COLEC11: variants seen among roughly 807,000 people sequenced by gnomAD.
COLEC11 encodes the protein collectin subfamily member 11, also known as collectin-11.
Under a neutral mutation model 27.3 loss-of-function variants are expected in COLEC11, and 20 were observed. That is an observed-to-expected ratio of 0.73 (90% confidence interval 0.51 to 1.06). The LOEUF (loss-of-function observed/expected upper bound fraction) is 1.06. COLEC11 is among the 50% of genes least tolerant of loss of function. The pLI is 0.00. For missense variants in COLEC11, 310 were observed against 383.0 expected (o/e 0.81, Z 1.59); for synonymous variants, 163 against 154.7 (o/e 1.05, Z -0.40).
intron 3 of COLEC11, among the ~76,000 whole-genome samples, chr2:3,617,098 T>C (rs116162494): frequency 0.024 from 3,613 of 152,260 alleles, 148 homozygotes; most frequent in African/African-American, 0.08. Flanking sequence ...AGTGACATTG[T>C]TGGATCATGT....
chr2:3,610,890 C>T (rs530353435), intron 2 of COLEC11, among the ~76,000 whole-genome samples: 1 of 152,184 alleles, frequency 6.6e-6, no homozygotes, highest in African/African-American at 2.4e-5. Context: ...CCATCTGATT[C>T]TCATTCACAG....
chr2:3,617,414 T>C, intron 3 of COLEC11: 2 of 979,404 alleles, frequency 2.0e-6, no homozygotes, highest in South Asian at 2.7e-5. Context: ...AGTTCTTTGA[T>C]GTGAAAGGGG....
chr2:3,627,031 T>C (rs1284299155), intron 3 of COLEC11, among the ~76,000 whole-genome samples: 1 of 152,258 alleles, frequency 6.6e-6, no homozygotes, highest in South Asian at 2.1e-4. Flanking sequence ...AGCTGGGTGC[T>C]AGTGGATAGC....
intron 3 of COLEC11, among the ~76,000 whole-genome samples, chr2:3,626,529 T>A (rs1372389471): frequency 6.6e-6 from 1 of 152,212 alleles, no homozygotes; most frequent in South Asian, 2.1e-4. Context: ...CCTGGTGGCC[T>A]GGTGGTTGCT....
intron 5 of COLEC11, chr2:3,641,479 G>A (rs751807479): frequency 1.5e-4 from 179 of 1,218,806 alleles, no homozygotes; most frequent in South Asian, 4.3e-4. Context: ...TCCCGGGGCT[G>A]AGCTGCTATC....
chr2:3,635,191 G>A (rs1285982921), intron 3 of COLEC11, among the ~76,000 whole-genome samples: 2 of 142,758 alleles, frequency 1.4e-5, no homozygotes, highest in African/African-American at 2.6e-5. Context: ...GTCTCCCTGC[G>A]CCTACCTTGG....
At chr2:3,642,909 C>G (rs558517816) in intron 5 of COLEC11, among the ~76,000 whole-genome samples, 1 of 152,214 alleles carries the variant, frequency 6.6e-6, no homozygotes, top group Non-Finnish European at 1.5e-5. Context: ...CAGCTCTGCC[C>G]TGGCCCCCAC....
At chr2:3,636,433 T>C (rs1481865321) in intron 3 of COLEC11, among the ~76,000 whole-genome samples, 3 of 151,970 alleles carry the variant, frequency 2.0e-5, no homozygotes, top group Non-Finnish European at 4.4e-5. Flanking sequence ...CCAGCCTGGG[T>C]GACAGAGTAA....
At chr2:3,625,954 A>G in intron 3 of COLEC11, 2 of 1,471,620 alleles carry the variant, frequency 1.4e-6, no homozygotes, top group East Asian at 2.3e-5. Flanking sequence ...GTTATTTAAC[A>G]TCTCTATTAT....
intron 3 of COLEC11, among the ~76,000 whole-genome samples, chr2:3,630,840 C>G (rs909574043): frequency 6.6e-6 from 1 of 152,224 alleles, no homozygotes; most frequent in East Asian, 1.9e-4. Context: ...GACCTTCACT[C>G]TCGGCCAGTC....
At chr2:3,641,653 GA>G (rs1310671559) in intron 5 of COLEC11, among the ~76,000 whole-genome samples, 4 of 152,134 alleles carry the variant, frequency 2.6e-5, no homozygotes, top group Non-Finnish European at 4.4e-5. Context: ...CTTCCATTAA[GA>G]AAACCCCCAA....
At chr2:3,638,436 C>G (rs1358288378) in intron 4 of COLEC11, among the ~76,000 whole-genome samples, 1 of 152,204 alleles carries the variant, frequency 6.6e-6, no homozygotes, top group Non-Finnish European at 1.5e-5. Flanking sequence ...CTAAGCTGCC[C>G]TGAGCACTGG....
chr2:3,641,961 G>A (rs1181007459), intron 5 of COLEC11, among the ~76,000 whole-genome samples: 1 of 152,220 alleles, frequency 6.6e-6, no homozygotes, highest in Non-Finnish European at 1.5e-5. Context: ...AGGCTGCTGG[G>A]CCACGGGGAG....
intron 3 of COLEC11, among the ~76,000 whole-genome samples, chr2:3,624,960 TA>T: frequency 6.6e-6 from 1 of 152,192 alleles, no homozygotes; most frequent in Non-Finnish European, 1.5e-5. Flanking sequence ...AAGTCCCTGA[TA>T]TAGTAGTTAT....
chr2:3,617,805 A>C, intron 3 of COLEC11: 1 of 755,982 alleles, frequency 1.3e-6, no homozygotes, highest in East Asian at 2.5e-5. Context: ...TTCCATTCCC[A>C]CCAGCAATGT....
intron 2 of COLEC11, among the ~76,000 whole-genome samples, chr2:3,609,343 TTTTC>T: frequency 1.2e-4 from 2 of 16,390 alleles, no homozygotes; most frequent in Non-Finnish European, 3.4e-4. Flanking sequence ...TATGAACTAT[TTTTC>T]TTTGATTTTT....
At position 3,595,893 on chromosome 2, in the gene COLEC11, T is replaced by C. The variant is rs1274361881; in HGVS notation, c.-27+725T>C. On this transcript the variant is annotated intron_variant, in intron 1 of 6. Coordinates refer to ENST00000349077, the MANE Select transcript of COLEC11 (RefSeq NM_024027.5). ...CCATCTCATGTGCATAGCTGGAATT[T>C]TGGTTTGATGGGAAGCACTTTGCCT... 4.6e-5 allele frequency among the ~76,000 whole-genome samples: 7 copies of C among 152,322 alleles called. 1 individual carries two copies. Among genetic ancestry groups the C allele is most frequent in the African/African-American group, 1.7e-4 (7 of 41,566 alleles).
chr2:3,603,595 G>C (rs1159890496), intron 1 of COLEC11: 2 of 1,545,984 alleles, frequency 1.3e-6, no homozygotes, highest in African/African-American at 2.7e-5. Context: ...GGAATTACAG[G>C]TGTGAGCCAC....
rs569050418 is a variant in COLEC11 at position 3,605,668 on chromosome 2, C to A, written c.130+1198C>A. 3 of 194,284 alleles carry A rather than the reference C, an allele frequency of 1.5e-5. No individual in the cohort carries two copies. In the South Asian group the frequency reaches 2.5e-4, roughly 16 times the overall value. The allele number at this position is 194,284 out of a possible 1,614,324, so 12.0% of individuals were successfully genotyped here. On this transcript the variant is annotated intron_variant, in intron 2 of 6. Coordinates refer to ENST00000349077, the MANE Select transcript of COLEC11 (RefSeq NM_024027.5). ...GTCCGCCCCCTCCTCATCCGCGGTCCGCTTGGGCCTTCAGCTTCTCCTGTG... is the reference window on the plus strand; with the variant it reads ...GTCCGCCCCCTCCTCATCCGCGGTCAGCTTGGGCCTTCAGCTTCTCCTGTG...
Sources: gnomAD v4.1 joint callset for allele counts (sites outside exome capture counted in the v4.1 genomes callset) on GRCh38, gnomAD v4.1.1 for gene constraint, MANE v1.5 for transcripts, NCBI Gene and HGNC (gene_info 2026-07-23, HGNC 2026-07-21) for gene names.